Variants in ABCA5 observed in about 807,000 individuals in gnomAD.
The protein encoded by ABCA5 is cholesterol transporter ABCA5.
ABCA5 carries 163 observed loss-of-function variants against 206.0 expected under a neutral mutation model. That is an observed-to-expected ratio of 0.79 (90% CI 0.70 to 0.90). The LOEUF is 0.90. Among genes scored for constraint, ABCA5 ranks in the 40% least tolerant of loss-of-function variants. ABCA5 has a pLI of 0.00. For synonymous variants in ABCA5, 609 were observed against 613.8 expected (o/e 0.99, Z 0.11); for missense variants, 1,859 against 1,912.9 (o/e 0.97, Z 0.53).
Position 69,297,750 on chromosome 17 carries a change from T to C in ABCA5, c.1268-391A>G, listed in dbSNP as rs1316365775. On this transcript the variant is annotated intron_variant, in intron 9 of 38. Coordinates refer to ENST00000392676, the MANE Select transcript of ABCA5 (RefSeq NM_172232.4). Reference sequence around the variant, plus strand: ...GCAAGAACACAACACAGGCTGAATGTGTTGAAGACTTGAATGGGCACCATC... The same window carrying C: ...GCAAGAACACAACACAGGCTGAATGCGTTGAAGACTTGAATGGGCACCATC... Among the ~76,000 whole-genome samples, 11 of 152,322 alleles carry C rather than the reference T, an allele frequency of 7.2e-5. 1 individual carries two copies. In the South Asian group the frequency reaches 2.1e-3, roughly 29 times the overall value.
chr17:69,306,805 C>T lies in ABCA5; in HGVS notation c.708G>A (p.Leu236=), dbSNP rs764073075. The T allele has an allele frequency of 6.3e-7, 1 of 1,592,630 alleles. No individual in the cohort carries two copies. The highest frequency in any genetic ancestry group is 8.6e-7 in the Non-Finnish European group (1 of 1,169,300). ...CTTTTTCTGCTACGATATGAATTGC[C>T]AAAAAGTATCCAAAAGGTGAAAATG... ...VIAFSPFGYF[L]AIHIVAEKEK... Residue 236 remains leucine, a synonymous_variant, in exon 6 of 39, where the codon TTG becomes TTA. Coordinates refer to ENST00000392676, the MANE Select transcript of ABCA5 (RefSeq NM_172232.4).
intron 14 of ABCA5, 67 bp from the exon 15 acceptor site, chr17:69,287,818 GACACTAAAAAA>G: frequency 1.4e-6 from 2 of 1,419,982 alleles, no homozygotes; most frequent in Non-Finnish European, 1.9e-6. Context: ...CAGGCATGTG[GACACTAAAAAA>G]CTGCCCCATT....
Position 69,297,228 on chromosome 17 carries a change from G to T in ABCA5, c.1399C>A (p.Pro467Thr). The stretch of plus-strand genomic sequence containing the variant: ...TTTCCTACAAATTCTGAAGAAACTG[G>T]CTCAATAATTTCACTAAAACTAATA... ...GNISFSEIIEPVSSEFVGKEA... is the reference protein window; with the variant it reads ...GNISFSEIIETVSSEFVGKEA... The change falls in exon 10 of 39, where the codon CCA becomes ACA. Residue 467 changes from proline to threonine, a missense_variant. Coordinates refer to ENST00000392676, the MANE Select transcript of ABCA5 (RefSeq NM_172232.4). 6.2e-7 allele frequency: 1 copy of T among 1,611,536 alleles called. No individual in the cohort carries two copies. Among genetic ancestry groups the T allele is most frequent in the Non-Finnish European group, 8.5e-7 (1 of 1,179,392 alleles).
chr17:69,314,029 TTA>T (rs759528607), intron 2 of ABCA5, among the ~76,000 whole-genome samples: 2 of 152,124 alleles, frequency 1.3e-5, no homozygotes, highest in Non-Finnish European at 2.9e-5. Flanking sequence ...TTGTGGAATG[TTA>T]GTTCATGAAA....
chr17:69,255,733 C>T lies in ABCA5; in HGVS notation c.3976G>A (p.Gly1326Arg), dbSNP rs1287276008. 6.3e-7 allele frequency: 1 copy of T among 1,580,732 alleles called. No individual in the cohort carries two copies. Among genetic ancestry groups the T allele is most frequent in the African/African-American group, 1.4e-5 (1 of 72,356 alleles). ...TKYISFCVKK[G>R]EILGLLGPNG... ...ATGTAAGGAAAAATTAAATACCAGC[C>T]TTTTTTCACACAGAAAGAGATGTAT... The change falls in exon 30 of 39, where the codon GGA (glycine) becomes AGA (arginine). Residue 1326 changes from glycine (G) to arginine (R), a missense_variant and splice_region_variant. Gly to Arg is a moderately radical substitution (Grantham distance 125, BLOSUM62 -2). Coordinates refer to ENST00000392676, the MANE Select transcript of ABCA5 (RefSeq NM_172232.4).
At chr17:69,309,863 A>G (rs1028276391) in intron 3 of ABCA5, among the ~76,000 whole-genome samples, 1 of 152,090 alleles carries the variant, frequency 6.6e-6, no homozygotes, top group African/African-American at 2.4e-5. Context: ...AAACAAAAAG[A>G]AGACAATTCT....
At chr17:69,258,321 C>A (rs1173371032) in intron 28 of ABCA5, among the ~76,000 whole-genome samples, 1 of 152,064 alleles carries the variant, frequency 6.6e-6, no homozygotes, top group African/African-American at 2.4e-5. Flanking sequence ...ACATATACAC[C>A]ATGGAATACT....
intron 38 of ABCA5, 125 bp downstream of exon 38, chr17:69,248,137 A>T (rs893554571): frequency 8.9e-6 from 5 of 564,224 alleles, no homozygotes; most frequent in Non-Finnish European, 1.6e-5. Flanking sequence ...TACCAAGTTT[A>T]AGATCATTCT....
intron 19 of ABCA5, among the ~76,000 whole-genome samples, chr17:69,276,865 C>T (rs1048238174): frequency 1.3e-5 from 2 of 152,020 alleles, no homozygotes; most frequent in Non-Finnish European, 2.9e-5. Flanking sequence ...TAATGCCGAC[C>T]AGGGAATAAA....
chr17:69,317,031 C>G (rs1326197207), intron 1 of ABCA5: 2 of 152,150 alleles, frequency 1.3e-5, no homozygotes, highest in South Asian at 2.1e-4. Flanking sequence ...AAGGTAGAAA[C>G]AGCCCAAATA....
chr17:69,301,336 C>T, intron 8 of ABCA5, 50 bp from the exon 9 acceptor site: 2 of 1,487,796 alleles, frequency 1.3e-6, no homozygotes, highest in Non-Finnish European at 1.8e-6. Flanking sequence ...CAAAAACAAG[C>T]AAAAGCTAAC....
At chr17:69,303,332 G>A (rs1041336003) in intron 7 of ABCA5, among the ~76,000 whole-genome samples, 10 of 151,892 alleles carry the variant, frequency 6.6e-5, no homozygotes, top group African/African-American at 2.4e-4. Flanking sequence ...TGCCCAGGCT[G>A]GTCTCAAACT....
chr17:69,289,084 A>G, intron 14 of ABCA5, 93 bp downstream of exon 14: 10 of 1,251,510 alleles, frequency 8.0e-6, no homozygotes, highest in Non-Finnish European at 9.7e-6. Flanking sequence ...TGTACACTTA[A>G]CCTTTACATA....
At chr17:69,269,015 G>T (rs1221567870) in intron 22 of ABCA5, 1 of 152,154 alleles carries the variant, frequency 6.6e-6, no homozygotes, top group African/African-American at 2.4e-5. Context: ...ACTACAGTTG[G>T]ATCCAATCAT....
intron 19 of ABCA5, among the ~76,000 whole-genome samples, chr17:69,276,539 C>A (rs529250430): frequency 1.1e-4 from 17 of 152,258 alleles, no homozygotes; most frequent in African/African-American, 3.1e-4. Flanking sequence ...TCATTCTCAG[C>A]AAACTAACAC....
Position 69,306,737 on chromosome 17 carries a change from T to A in ABCA5, c.776A>T (p.Asp259Val). The A allele has an allele frequency of 6.8e-7, 1 of 1,465,648 alleles. No individual in the cohort carries two copies. The highest frequency in any genetic ancestry group is 9.1e-7 in the Non-Finnish European group (1 of 1,094,896). 90.8% of individuals were successfully genotyped at this position (1,465,648 alleles called of 1,614,324 possible). A position where few individuals can be genotyped will look rare whatever the true frequency, so the allele number is the denominator to read the frequency against. The change falls in exon 6 of 39, where the codon GAT becomes GTT. Residue 259 changes from aspartate to valine, a missense_variant. Transcript: ENST00000392676. ...KEFLKIMGLH[D>V]TAFWLSWVLL... ...TTTAATAACATACCAAAAGGCAGTATCATGAAGTCCCATTATCTTTAAAAA... is the reference window on the plus strand; with the variant it reads ...TTTAATAACATACCAAAAGGCAGTAACATGAAGTCCCATTATCTTTAAAAA...
intron 5 of ABCA5, 57 bp downstream of exon 5, chr17:69,308,223 G>GGCT: frequency 8.7e-7 from 1 of 1,153,946 alleles, no homozygotes. Flanking sequence ...TAAAGAATAA[G>GGCT]GAAATATTTA....
chr17:69,301,300 A>C lies in ABCA5; in HGVS notation c.1120-14T>G, dbSNP rs908984238. 4.4e-6 allele frequency: 7 copies of C among 1,580,986 alleles called. No individual in the cohort carries two copies. In the African/African-American group the frequency reaches 9.7e-5, roughly 22 times the overall value. ...TAAATGCATGACCTGAAAAATACAA[A>C]CACTAACTTTATTACATAAAAATGA... is the stretch of plus-strand genomic sequence containing the variant. On this transcript the variant is annotated splice_polypyrimidine_tract_variant and intron_variant, in intron 8 of 38. Coordinates refer to ENST00000392676, the MANE Select transcript of ABCA5 (RefSeq NM_172232.4).
intron 3 of ABCA5, among the ~76,000 whole-genome samples, chr17:69,310,157 A>G (rs765769201): frequency 5.9e-5 from 9 of 152,034 alleles, no homozygotes; most frequent in Non-Finnish European, 5.9e-5. Flanking sequence ...TTTATTTTAT[A>G]TTTTTTTAGA....
Sources: allele counts gnomAD v4.1 joint callset (sites outside exome capture counted in the v4.1 genomes callset), GRCh38; gene constraint gnomAD v4.1.1; transcripts MANE v1.5; gene names NCBI Gene and HGNC (gene_info 2026-07-23, HGNC 2026-07-21).